Variants in GPM6B observed in about 807,000 individuals in gnomAD.
GPM6B encodes the protein glycoprotein M6B.
A neutral mutation model predicts 27.2 loss-of-function variants in GPM6B; 4 were observed. The ratio of observed to expected loss-of-function variants is 0.15; its 90% CI spans 0.07 to 0.34. GPM6B has a LOEUF of 0.34. GPM6B is among the 10% of genes least tolerant of loss of function. The probability of loss-of-function intolerance (pLI) is 1.00; values close to 1 mark genes in which losing one functional copy is unlikely to be tolerated. For missense variants in GPM6B, 183 were observed against 261.9 expected, an observed-to-expected ratio of 0.70 and a Z score of 2.08; for synonymous variants, 124 against 103.1, an observed-to-expected ratio of 1.20 and a Z score of -1.23.
chrX:13,934,833 G>A (rs991884635), intron 1 of GPM6B, among the ~76,000 whole-genome samples: 1 of 111,131 alleles, frequency 9.0e-6, no homozygotes, highest in African/African-American at 3.3e-5. Context: ...ATTTACCCAC[G>A]ATCACACAGC....
At chrX:13,780,270 G>C (rs2048492112) in intron 4 of GPM6B, among the ~76,000 whole-genome samples, 1 of 111,586 alleles carries the variant, frequency 9.0e-6, no homozygotes, top group Non-Finnish European at 1.9e-5. Context: ...GAGACCCCAA[G>C]AGGTGATCTC....
intron 2 of GPM6B, among the ~76,000 whole-genome samples, chrX:13,799,385 G>T (rs997036259): frequency 3.4e-4 from 30 of 89,552 alleles, no homozygotes; most frequent in African/African-American, 1.2e-3. Context: ...GCTGATTTTT[G>T]TATTATTATT....
intron 1 of GPM6B, among the ~76,000 whole-genome samples, chrX:13,918,658 G>T (rs933080698): frequency 8.9e-6 from 1 of 112,005 alleles, no homozygotes; most frequent in African/African-American, 3.2e-5. Context: ...TCTGCAGGCT[G>T]TACAGAAAGC....
chrX:13,811,448 A>G (rs1396318603), intron 1 of GPM6B, among the ~76,000 whole-genome samples: 2 of 112,424 alleles, frequency 1.8e-5, no homozygotes, highest in African/African-American at 3.2e-5. Flanking sequence ...TTTCAAAGCT[A>G]TATTTGTTAT....
At chrX:13,878,049 C>T (rs1481825379) in intron 1 of GPM6B, among the ~76,000 whole-genome samples, 1 of 109,625 alleles carries the variant, frequency 9.1e-6, no homozygotes, top group African/African-American at 3.3e-5. Flanking sequence ...AATTATCCCC[C>T]CAAATAGTTA....
chrX:13,913,353 C>G (rs775349726), intron 1 of GPM6B, among the ~76,000 whole-genome samples: 1 of 109,192 alleles, frequency 9.2e-6, no homozygotes, highest in South Asian at 4.1e-4. Context: ...CAGGATGTCA[C>G]CATCTTGCCC....
At chrX:13,894,538 T>C (rs1296813075) in intron 1 of GPM6B, among the ~76,000 whole-genome samples, 2 of 112,313 alleles carry the variant, frequency 1.8e-5, no homozygotes, top group Non-Finnish European at 3.8e-5. Context: ...GAAACGAATA[T>C]TCCTATTTAG....
chrX:13,775,935 GC>G (rs1253141126), intron 7 of GPM6B, among the ~76,000 whole-genome samples: 1 of 112,599 alleles, frequency 8.9e-6, no homozygotes, highest in Non-Finnish European at 1.9e-5. Flanking sequence ...GCATCTGTCT[GC>G]GACTGAAGTC....
chrX:13,792,795 G>A (rs1323642769), intron 2 of GPM6B, among the ~76,000 whole-genome samples: 1 of 109,813 alleles, frequency 9.1e-6, no homozygotes, highest in Non-Finnish European at 1.9e-5. Context: ...AGCTACTTGG[G>A]AGGCTGAGGC....
intron 2 of GPM6B, among the ~76,000 whole-genome samples, chrX:13,803,287 C>T (rs1484789674): frequency 9.0e-6 from 1 of 110,561 alleles, no homozygotes; most frequent in African/African-American, 3.3e-5. Context: ...CTGGGCCCTC[C>T]GTCAGTCTGC....
chrX:13,829,525 C>T (rs1406018385), intron 1 of GPM6B, among the ~76,000 whole-genome samples: 4 of 111,529 alleles, frequency 3.6e-5, no homozygotes, highest in Non-Finnish European at 7.5e-5. Context: ...TCACGTCCTT[C>T]TAGATCTTTC....
rs142402250 is a variant in GPM6B, at chrX:13,875,811, C to T, written c.-198+62516G>A. Among the ~76,000 whole-genome samples, 429 of 111,859 alleles carry T rather than the reference C, an allele frequency of 3.8e-3. 3 individuals are homozygous for T. The highest frequency in any genetic ancestry group is 0.014 in the Middle Eastern group (3 of 216). On this transcript the variant is annotated intron_variant, in intron 1 of 6. Transcript: ENST00000398361. ...GTGTGATTCTATTTATATGAAATGT[C>T]CAGGATAAGCAAATCCATAGAGACA...
intron 1 of GPM6B, among the ~76,000 whole-genome samples, chrX:13,864,405 G>T (rs2049885954): frequency 8.9e-6 from 1 of 112,785 alleles, no homozygotes; most frequent in Admixed American, 9.3e-5. Context: ...ACCAAGTTGG[G>T]GAAGTGAAAG....
At chrX:13,844,990 T>C (rs1026427941) in intron 1 of GPM6B, among the ~76,000 whole-genome samples, 2 of 98,744 alleles carry the variant, frequency 2.0e-5, no homozygotes, top group African/African-American at 7.7e-5. Context: ...TTTTTTCTTT[T>C]TCTTTTTTTT....
intron 1 of GPM6B, among the ~76,000 whole-genome samples, chrX:13,911,049 G>GAGGT (rs1403767752): frequency 1.8e-5 from 2 of 112,134 alleles, no homozygotes; most frequent in African/African-American, 6.5e-5. Context: ...TCATGCAAAG[G>GAGGT]AGGTATTTTA....
chrX:13,777,645 C>T (rs757599933), intron 5 of GPM6B, among the ~76,000 whole-genome samples: 39 of 112,545 alleles, frequency 3.5e-4, no homozygotes, highest in South Asian at 7.4e-4. Context: ...GAGATTTAAA[C>T]AGCCTGATAT....
At chrX:13,924,863 C>G (rs1321382319) in intron 1 of GPM6B, among the ~76,000 whole-genome samples, 1 of 112,118 alleles carries the variant, frequency 8.9e-6, no homozygotes, top group East Asian at 2.8e-4. Context: ...ATGTTACCCA[C>G]TAGCTTTGTC....
chrX:13,825,922 G>A (rs943318625), intron 1 of GPM6B, among the ~76,000 whole-genome samples: 1 of 111,807 alleles, frequency 8.9e-6, no homozygotes, highest in Non-Finnish European at 1.9e-5. Context: ...GTGGGTGGCA[G>A]GATGTGATGC....
At chrX:13,780,596 C>T (rs1160298510) in intron 4 of GPM6B, among the ~76,000 whole-genome samples, 1 of 111,781 alleles carries the variant, frequency 8.9e-6, no homozygotes, top group African/African-American at 3.3e-5. Flanking sequence ...CTATAAAATT[C>T]TCATTTTCCT....
Sources: allele counts gnomAD v4.1 joint callset (sites outside exome capture counted in the v4.1 genomes callset), GRCh38; gene constraint gnomAD v4.1.1; transcripts MANE v1.5; gene names NCBI Gene and HGNC (gene_info 2026-07-23, HGNC 2026-07-21).